COL21A1: variants seen among roughly 807,000 people sequenced by gnomAD.
COL21A1 encodes the protein collagen type XXI alpha 1 chain.
Under a neutral mutation model 137.9 loss-of-function variants are expected in COL21A1, and 149 were observed. That is an observed-to-expected ratio of 1.08 (90% CI 0.95 to 1.24). COL21A1 has a LOEUF of 1.24. Ranked by LOEUF, COL21A1 falls within the 50% of genes most tolerant of loss-of-function variation. The pLI is 0.00. For missense variants in COL21A1, 1,167 were observed against 1,158.4 expected (o/e 1.01, Z -0.11); for synonymous variants, 456 against 391.5 (o/e 1.16, Z -1.95).
chr6:56,198,183 CAGAG>C, intron 1 of COL21A1, among the ~76,000 whole-genome samples: 1 of 152,012 alleles, frequency 6.6e-6, no homozygotes, highest in East Asian at 1.9e-4. Flanking sequence ...AACTCAGAAA[CAGAG>C]AGTAGAATGT....
chr6:56,123,816 A>G (rs1366312393), intron 16 of COL21A1, among the ~76,000 whole-genome samples: 1 of 152,202 alleles, frequency 6.6e-6, no homozygotes, highest in Non-Finnish European at 1.5e-5. Context: ...AACCAATCTG[A>G]AGGGTTTATT....
intron 1 of COL21A1, among the ~76,000 whole-genome samples, chr6:56,307,954 A>G (rs1377616308): frequency 2.6e-5 from 4 of 152,234 alleles, no homozygotes; most frequent in Admixed American, 6.5e-5. Context: ...CAACAGATGA[A>G]TGGATAAAGA....
chr6:56,213,245 T>C (rs1439179947), intron 1 of COL21A1, among the ~76,000 whole-genome samples: 1 of 152,136 alleles, frequency 6.6e-6, no homozygotes, highest in African/African-American at 2.4e-5. Flanking sequence ...ATAGATAAAA[T>C]ACAAATATGT....
At chr6:56,071,514 C>T (rs1766754431) in intron 20 of COL21A1, among the ~76,000 whole-genome samples, 2 of 151,536 alleles carry the variant, frequency 1.3e-5, no homozygotes, top group African/African-American at 4.8e-5. Flanking sequence ...GTTGGTGTGA[C>T]ACCTAGAAGG....
intron 1 of COL21A1, among the ~76,000 whole-genome samples, chr6:56,201,892 A>G (rs1394537637): frequency 6.6e-6 from 1 of 152,170 alleles, no homozygotes; most frequent in African/African-American, 2.4e-5. Flanking sequence ...AAAATTAATG[A>G]GAAACTAAAG....
intron 1 of COL21A1, among the ~76,000 whole-genome samples, chr6:56,309,565 C>T (rs868039542): frequency 1.6e-4 from 24 of 152,090 alleles, no homozygotes; most frequent in African/African-American, 5.6e-4. Context: ...ATATTTCTGC[C>T]TCTATTGTTG....
intron 10 of COL21A1, 64 bp downstream of exon 10, chr6:56,156,822 CA>C: frequency 7.5e-7 from 1 of 1,342,034 alleles, no homozygotes. Context: ...ATTTGCTCAG[CA>C]AAACTTTTAC....
chr6:56,252,414 C>T (rs1582733546), upstream of COL21A1, among the ~76,000 whole-genome samples: 1 of 152,244 alleles, frequency 6.6e-6, no homozygotes, highest in East Asian at 1.9e-4. Flanking sequence ...GGTTAGTGCC[C>T]TCTGGTTGCA....
rs543430126 is a variant in COL21A1 at position 56,324,244 on chromosome 6, G to A, written c.-39+69727C>T. ...AACCAGCCTTCAATGCCCACTTCTT[G>A]AGTTCTAAGCATAACATGGCACAGG... On this transcript the variant is annotated intron_variant, in intron 1 of 28. Transcript: ENST00000370819. Among the ~76,000 whole-genome samples the A allele has an allele frequency of 1.4e-3, 217 of 152,172 alleles. 1 individual carries two copies. The highest frequency in any genetic ancestry group is 4.9e-3 in the African/African-American group (205 of 41,532).
intron 21 of COL21A1, among the ~76,000 whole-genome samples, chr6:56,069,591 T>A (rs1284424971): frequency 6.6e-6 from 1 of 150,392 alleles, no homozygotes; most frequent in Non-Finnish European, 1.5e-5. Flanking sequence ...TTTATTTTGT[T>A]ATGTATTTTT....
intron 17 of COL21A1, among the ~76,000 whole-genome samples, chr6:56,080,478 A>G (rs1338099578): frequency 6.6e-6 from 1 of 151,830 alleles, no homozygotes; most frequent in Non-Finnish European, 1.5e-5. Context: ...ACTTTAGAAT[A>G]AAGGGTTTGA....
At chr6:56,219,387 T>C (rs1318483675) in intron 1 of COL21A1, among the ~76,000 whole-genome samples, 2 of 151,920 alleles carry the variant, frequency 1.3e-5, no homozygotes, top group African/African-American at 4.8e-5. Context: ...GCAGCCAGCA[T>C]TGATCAACAG....
intron 1 of COL21A1, among the ~76,000 whole-genome samples, chr6:56,201,961 T>C (rs1360808103): frequency 6.6e-6 from 1 of 152,136 alleles, no homozygotes; most frequent in Non-Finnish European, 1.5e-5. Flanking sequence ...TACTGAATAT[T>C]ATTTAATATT....
intron 1 of COL21A1, among the ~76,000 whole-genome samples, chr6:56,198,017 A>T (rs1390010007): frequency 6.6e-6 from 1 of 152,102 alleles, no homozygotes; most frequent in Non-Finnish European, 1.5e-5. Flanking sequence ...ACACACTCAC[A>T]CAGGAGAGAA....
chr6:56,343,656 G>A (rs1394522321), intron 1 of COL21A1, among the ~76,000 whole-genome samples: 1 of 152,156 alleles, frequency 6.6e-6, no homozygotes, highest in African/African-American at 2.4e-5. Context: ...ATAATTGATT[G>A]TAGGCCAGGC....
intron 1 of COL21A1, among the ~76,000 whole-genome samples, chr6:56,333,907 G>A (rs766208377): frequency 1.2e-4 from 18 of 151,962 alleles, no homozygotes; most frequent in African/African-American, 3.6e-4. Context: ...CCTGTTGTAC[G>A]TCGTCTTTGA....
intron 1 of COL21A1, among the ~76,000 whole-genome samples, chr6:56,210,865 A>G (rs1166827218): frequency 1.3e-5 from 2 of 152,104 alleles, no homozygotes; most frequent in African/African-American, 4.8e-5. Context: ...CTTAAGAGGC[A>G]TCAATTACAT....
intron 1 of COL21A1, among the ~76,000 whole-genome samples, chr6:56,374,785 A>G (rs1404423136): frequency 2.0e-5 from 3 of 152,188 alleles, no homozygotes; most frequent in Non-Finnish European, 4.4e-5. Flanking sequence ...ATGTTTGTAA[A>G]AAAGACATTC....
chr6:56,265,666 A>G (rs1763375678), intron 1 of COL21A1, among the ~76,000 whole-genome samples: 1 of 152,228 alleles, frequency 6.6e-6, no homozygotes, highest in African/African-American at 2.4e-5. Context: ...ATCTTAATTC[A>G]GTGGACAATA....
Sources: allele counts gnomAD v4.1 joint callset (sites outside exome capture counted in the v4.1 genomes callset), GRCh38; gene constraint gnomAD v4.1.1; transcripts MANE v1.5; gene names NCBI Gene and HGNC (gene_info 2026-07-23, HGNC 2026-07-21).